PLCB1: variants seen among roughly 807,000 people sequenced by gnomAD.
PLCB1 encodes the protein phospholipase C beta 1, also known as 1-phosphatidylinositol 4,5-bisphosphate phosphodiesterase beta-1.
Under a neutral mutation model 161.8 loss-of-function variants are expected in PLCB1, and 46 were observed. The ratio of observed to expected loss-of-function variants is 0.28; its 90% CI spans 0.22 to 0.36. The LOEUF (loss-of-function observed/expected upper bound fraction) is 0.36. Ranked by LOEUF, PLCB1 falls within the 10% of genes least tolerant of loss-of-function variation. The pLI is 1.00. For missense variants in PLCB1, 1,016 were observed against 1,472.5 expected, an observed-to-expected ratio of 0.69 and a Z score of 5.07; for synonymous variants, 517 against 503.7, an observed-to-expected ratio of 1.03 and a Z score of -0.35.
At chr20:8,194,197 T>C (rs2051999965) in intron 2 of PLCB1, among the ~76,000 whole-genome samples, 1 of 152,092 alleles carries the variant, frequency 6.6e-6, no homozygotes, top group Non-Finnish European at 1.5e-5. Flanking sequence ...TGTAGAATAC[T>C]GTTTTTCTTT....
intron 13 of PLCB1, among the ~76,000 whole-genome samples, 183 bp downstream of exon 13, chr20:8,716,531 A>C (rs1045207008): frequency 4.6e-5 from 7 of 151,690 alleles, no homozygotes; most frequent in African/African-American, 1.7e-4. Flanking sequence ...ATGCCTCTGC[A>C]CTCTTCCTCT....
intron 9 of PLCB1, among the ~76,000 whole-genome samples, chr20:8,684,599 C>G (rs545489558): frequency 1.3e-5 from 2 of 152,098 alleles, no homozygotes; most frequent in South Asian, 2.1e-4. Context: ...AAAAATTACC[C>G]CAAATTCTAT....
intron 2 of PLCB1, among the ~76,000 whole-genome samples, chr20:8,342,308 A>G (rs924881413): frequency 9.9e-5 from 15 of 152,246 alleles, no homozygotes; most frequent in African/African-American, 3.6e-4. Flanking sequence ...TGTAAACAAA[A>G]TATACATTAG....
At chr20:8,727,938 G>A (rs1980028528) in intron 17 of PLCB1, among the ~76,000 whole-genome samples, 1 of 151,916 alleles carries the variant, frequency 6.6e-6, no homozygotes, top group Non-Finnish European at 1.5e-5. Context: ...TACTATCCAT[G>A]AACTAAAATA....
At chr20:8,355,662 C>G (rs1207582641) in intron 2 of PLCB1, among the ~76,000 whole-genome samples, 1 of 152,046 alleles carries the variant, frequency 6.6e-6, no homozygotes, top group Admixed American at 6.5e-5. Context: ...AGTTTGGTGG[C>G]GAATGAGCAA....
chr20:8,324,098 T>C (rs1985036937), intron 2 of PLCB1, among the ~76,000 whole-genome samples: 1 of 152,152 alleles, frequency 6.6e-6, no homozygotes, highest in Non-Finnish European at 1.5e-5. Context: ...GCTATAATCA[T>C]AACACTGGGC....
chr20:8,705,423 C>T (rs1243984010), intron 11 of PLCB1, among the ~76,000 whole-genome samples: 2 of 152,116 alleles, frequency 1.3e-5, no homozygotes, highest in African/African-American at 4.8e-5. Context: ...CTTAGCAGAA[C>T]AGTGAAGAAA....
chr20:8,327,480 GT>G (rs2122180432), intron 2 of PLCB1, among the ~76,000 whole-genome samples: 2 of 152,312 alleles, frequency 1.3e-5, no homozygotes, highest in South Asian at 4.1e-4. Flanking sequence ...TGCAAGGGAA[GT>G]TGGAAAATGT....
At chr20:8,723,920 AG>A (rs1979786299) in intron 15 of PLCB1, among the ~76,000 whole-genome samples, 1 of 151,882 alleles carries the variant, frequency 6.6e-6, no homozygotes, top group East Asian at 1.9e-4. Context: ...ATTTCCACAA[AG>A]CAATCTTTTT....
intron 4 of PLCB1, among the ~76,000 whole-genome samples, chr20:8,639,442 C>G (rs1218649616): frequency 6.6e-6 from 1 of 152,224 alleles, no homozygotes; most frequent in Non-Finnish European, 1.5e-5. Flanking sequence ...CTGAGTGAGG[C>G]CCCTATGATT....
chr20:8,862,100 C>G (rs1216060344), intron 31 of PLCB1, among the ~76,000 whole-genome samples: 1 of 152,068 alleles, frequency 6.6e-6, no homozygotes, highest in Non-Finnish European at 1.5e-5. Flanking sequence ...ATTTATATTT[C>G]TGCTACTGAA....
chr20:8,600,365 GGTGTCAGT>G (rs1987512133), intron 3 of PLCB1, among the ~76,000 whole-genome samples: 1 of 106,840 alleles, frequency 9.4e-6, no homozygotes, highest in Non-Finnish European at 2.0e-5. Flanking sequence ...TGCCGTGTGA[GGTGTCAGT>G]GTGCCCCTGC....
At chr20:8,610,509 T>A (rs1987876278) in intron 3 of PLCB1, among the ~76,000 whole-genome samples, 1 of 152,190 alleles carries the variant, frequency 6.6e-6, no homozygotes, top group Non-Finnish European at 1.5e-5. Context: ...AAGAATGTAA[T>A]TGCTGGGTCA....
In PLCB1 at chr20:8,797,067, A is replaced by G. The variant is rs554113190; in HGVS notation, c.3423+6806A>G. ...ATAGATGAGAATCTACATTTCCTCC[A>G]TTCTGGAATGATATTTTCACTGGAT... On this transcript the variant is annotated intron_variant, in intron 31 of 31. Coordinates refer to ENST00000338037, the MANE Select transcript of PLCB1 (RefSeq NM_015192.4). Among the ~76,000 whole-genome samples, 56 of 152,186 alleles carry G rather than the reference A, an allele frequency of 3.7e-4. 1 individual carries two copies. The highest frequency in any genetic ancestry group is 1.3e-3 in the African/African-American group (53 of 41,522).
chr20:8,189,130 A>G (rs1480514815), intron 2 of PLCB1, among the ~76,000 whole-genome samples: 1 of 151,686 alleles, frequency 6.6e-6, no homozygotes, highest in Non-Finnish European at 1.5e-5. Context: ...GAATCATGCA[A>G]TCTTTTTTTT....
chr20:8,175,700 A>G (rs2051775697), intron 2 of PLCB1, among the ~76,000 whole-genome samples: 1 of 152,202 alleles, frequency 6.6e-6, no homozygotes, highest in South Asian at 2.1e-4. Context: ...GTAAAATCCT[A>G]AAAAGAGGAT....
At chr20:8,509,925 C>T (rs1171328001) in intron 3 of PLCB1, among the ~76,000 whole-genome samples, 1 of 152,162 alleles carries the variant, frequency 6.6e-6, no homozygotes, top group Non-Finnish European at 1.5e-5. Context: ...AAAAACATTG[C>T]CATCTGCTTT....
rs1231201340 is a variant in PLCB1 at position 8,658,528 on chromosome 20, T to C, written c.696-10T>C. On this transcript the variant is annotated splice_polypyrimidine_tract_variant and intron_variant, in intron 8 of 31. Transcript: ENST00000338037. ...AAAATTCTTATTGCTTGGTTTTTCA[T>C]TGTTTTTAGTGGTGCAAAAAGCAAA... 1 of 1,567,390 alleles carries C rather than the reference T, an allele frequency of 6.4e-7. No homozygotes were observed. The highest frequency in any genetic ancestry group is 1.2e-5 in the South Asian group (1 of 84,642).
At chr20:8,662,882 G>A (rs1196864070) in intron 9 of PLCB1, among the ~76,000 whole-genome samples, 5 of 151,850 alleles carry the variant, frequency 3.3e-5, no homozygotes, top group Non-Finnish European at 7.4e-5. Context: ...TAACACAGAT[G>A]AGCTACAGAC....
Sources: allele counts gnomAD v4.1 joint callset (sites outside exome capture counted in the v4.1 genomes callset), GRCh38; gene constraint gnomAD v4.1.1; transcripts MANE v1.5; gene names NCBI Gene and HGNC (gene_info 2026-07-23, HGNC 2026-07-21).